THOC5: variants seen among roughly 807,000 people sequenced by gnomAD.
The protein encoded by THOC5 is Fms-interacting protein.
THOC5 carries 43 observed loss-of-function variants against 92.9 expected under a neutral mutation model. The ratio of observed to expected loss-of-function variants is 0.46; its 90% CI spans 0.36 to 0.60. The LOEUF (loss-of-function observed/expected upper bound fraction) is 0.60. Ranked by LOEUF, THOC5 falls within the 20% of genes least tolerant of loss-of-function variation. THOC5 has a pLI of 0.00. For synonymous variants in THOC5, 296 were observed against 320.1 expected (o/e 0.92, Z 0.80); for missense variants, 659 against 849.4 (o/e 0.78, Z 2.79).
rs1569220646 is a variant in THOC5 at position 29,529,240 on chromosome 22, C to CT, written c.848-2dup. 2 of 1,614,170 alleles carry CT rather than the reference C, an allele frequency of 1.2e-6. No homozygotes were observed. Among genetic ancestry groups the CT allele is most frequent in the Admixed American group, 3.3e-5 (2 of 60,026 alleles). Reference sequence around the variant, plus strand: ...TCGATTGCCACAGATAACGTCTTATCTGGGGGGCAAGAAGAAGTCTGTTAG... The same window carrying CT: ...TCGATTGCCACAGATAACGTCTTATCTTGGGGGGCAAGAAGAAGTCTGTTAG... On this transcript the variant is annotated splice_acceptor_variant, in intron 8 of 19. Coordinates refer to ENST00000490103, the MANE Select transcript of THOC5 (RefSeq NM_003678.5). LOFTEE classifies it high-confidence loss of function.
At chr22:29,513,271 C>T (rs771859161) in intron 17 of THOC5, among the ~76,000 whole-genome samples, 4 of 151,642 alleles carry the variant, frequency 2.6e-5, no homozygotes, top group African/African-American at 4.9e-5. Context: ...GCAGGAGAAT[C>T]GCTTGAATCC....
At chr22:29,511,341 G>A (rs1180375966) in intron 18 of THOC5, 45 bp from the exon 19 acceptor site, 21 of 1,581,726 alleles carry the variant, frequency 1.3e-5, no homozygotes, top group Non-Finnish European at 1.8e-5. Flanking sequence ...CTTCCTGCAT[G>A]TGGGGGACCA....
intron 6 of THOC5, 25 bp from the exon 7 acceptor site, chr22:29,536,763 T>A: frequency 2.3e-6 from 3 of 1,285,276 alleles, no homozygotes; most frequent in Non-Finnish European, 3.4e-6. Flanking sequence ...AAGAGCATTG[T>A]CACCTGATAT....
At chr22:29,547,975 G>T (rs1279602188) in intron 2 of THOC5, among the ~76,000 whole-genome samples, 1 of 152,128 alleles carries the variant, frequency 6.6e-6, no homozygotes, top group African/African-American at 2.4e-5. Context: ...GAGGTGAAAG[G>T]CACTTTTTAC....
At chr22:29,526,800 C>T (rs1266571685) in intron 11 of THOC5, among the ~76,000 whole-genome samples, 2 of 152,138 alleles carry the variant, frequency 1.3e-5, no homozygotes, top group Non-Finnish European at 2.9e-5. Context: ...TATTCTCTCC[C>T]CCAAATCCAT....
intron 9 of THOC5, 118 bp from the exon 10 acceptor site, chr22:29,528,584 G>A (rs931024582): frequency 1.0e-6 from 1 of 952,616 alleles, no homozygotes; most frequent in African/African-American, 1.7e-5. Flanking sequence ...AAGTTTCTCT[G>A]TAATAAATAA....
At chr22:29,552,853 G>C (rs564374425) in intron 1 of THOC5, among the ~76,000 whole-genome samples, 1 of 152,310 alleles carries the variant, frequency 6.6e-6, no homozygotes, top group South Asian at 2.1e-4. Context: ...TGTCTGTGTG[G>C]AGAGAGGTGG....
In THOC5 at chr22:29,531,933, T is replaced by C. The variant is rs200730095; in HGVS notation, c.745A>G (p.Met249Val). Reference protein sequence around the residue: ...ASLPVQEYLFMPFDQAHKQYE... With the variant: ...ASLPVQEYLFVPFDQAHKQYE... ...TGCTTGTGAGCCTGGTCGAATGGCA[T>C]AAACAGGTACTCCTGCACCGGAAGG... The change falls in exon 8 of 20, where the codon ATG becomes GTG. Residue 249 changes from methionine (M) to valine (V), a missense_variant. Met to Val is a conservative substitution (Grantham distance 21). Transcript: ENST00000490103. 1 of 1,614,182 alleles carries C rather than the reference T, an allele frequency of 6.2e-7. No individual in the cohort carries two copies. Among genetic ancestry groups the C allele is most frequent in the Non-Finnish European group, 8.5e-7 (1 of 1,180,034 alleles).
chr22:29,515,538 A>G (rs1187541945), intron 17 of THOC5, among the ~76,000 whole-genome samples: 1 of 151,976 alleles, frequency 6.6e-6, no homozygotes, highest in African/African-American at 2.4e-5. Flanking sequence ...GGATGAGATA[A>G]AAGGAAGACC....
chr22:29,548,003 A>G (rs1214897242), intron 2 of THOC5, among the ~76,000 whole-genome samples: 16 of 152,234 alleles, frequency 1.1e-4, no homozygotes, highest in Non-Finnish European at 2.2e-4. Context: ...CAGCAAAAGA[A>G]AAATGAGGAG....
chr22:29,511,966 C>T, intron 18 of THOC5, 55 bp downstream of exon 18: 1 of 1,498,414 alleles, frequency 6.7e-7, no homozygotes, highest in Non-Finnish European at 9.3e-7. Flanking sequence ...TCTGCCACGG[C>T]CACCTCCCCC....
At chr22:29,527,681 A>G (rs1162781166) in intron 11 of THOC5, among the ~76,000 whole-genome samples, 3 of 152,204 alleles carry the variant, frequency 2.0e-5, no homozygotes, top group East Asian at 3.8e-4. Context: ...CTGCTAGAAC[A>G]TTTTATTATA....
In THOC5 at chr22:29,544,000, GA is replaced by G. The variant is rs562488641; in HGVS notation, c.240+459del. Among the ~76,000 whole-genome samples, 983 of 152,008 alleles carry G rather than the reference GA, an allele frequency of 6.5e-3. 7 individuals carry two copies. Among genetic ancestry groups the G allele is most frequent in the Non-Finnish European group, 0.012 (786 of 67,964 alleles). ...GCACAAATACGTGAGATTCCTGGGG[GA>G]AAAAATGGATTTTAAAAAACTTATC... On this transcript the variant is annotated intron_variant, in intron 3 of 19. Coordinates refer to ENST00000490103, the MANE Select transcript of THOC5 (RefSeq NM_003678.5).
chr22:29,544,638 G>A, intron 2 of THOC5, 35 bp from the exon 3 acceptor site: 1 of 1,523,966 alleles, frequency 6.6e-7, no homozygotes, highest in South Asian at 1.3e-5. Flanking sequence ...TGTGTGCATG[G>A]GGTAAAAGTC....
intron 19 of THOC5, among the ~76,000 whole-genome samples, chr22:29,509,011 C>T (rs1331900696): frequency 2.0e-5 from 3 of 152,108 alleles, no homozygotes; most frequent in Non-Finnish European, 4.4e-5. Flanking sequence ...GCTGGTGGAA[C>T]TCCTGGCCTC....
At chr22:29,523,508 A>G (rs2063485442) in intron 12 of THOC5, among the ~76,000 whole-genome samples, 1 of 152,216 alleles carries the variant, frequency 6.6e-6, no homozygotes, top group Admixed American at 6.5e-5. Context: ...TGTTCACAAG[A>G]ACACACAGGT....
chr22:29,539,197 T>C, intron 6 of THOC5, 133 bp downstream of exon 6: 1 of 914,586 alleles, frequency 1.1e-6, no homozygotes, highest in Non-Finnish European at 1.7e-6. Flanking sequence ...CTATCCAGTG[T>C]GATTTAATCA....
chr22:29,530,921 T>C (rs2063641815), intron 8 of THOC5, among the ~76,000 whole-genome samples: 5 of 152,212 alleles, frequency 3.3e-5, no homozygotes, highest in Admixed American at 3.3e-4. Flanking sequence ...GGCAACCCTA[T>C]GTGAATCACC....
intron 5 of THOC5, among the ~76,000 whole-genome samples, chr22:29,541,859 TCCAA>T (rs1569230671): frequency 2.9e-5 from 1 of 34,326 alleles, no homozygotes; most frequent in African/African-American, 2.1e-4. Context: ...AGACTCCATC[TCCAA>T]AAAAAAAAAA....
Sources: allele counts gnomAD v4.1 joint callset (sites outside exome capture counted in the v4.1 genomes callset), GRCh38; gene constraint gnomAD v4.1.1; transcripts MANE v1.5; gene names NCBI Gene and HGNC (gene_info 2026-07-23, HGNC 2026-07-21).